The following FBN2 variants were observed in gnomAD, a reference collection of about 807,000 sequenced individuals.
FBN2 encodes fibrillin 2.
A neutral mutation model predicts 355.6 loss-of-function variants in FBN2; 105 were observed. The ratio of observed to expected loss-of-function variants is 0.30; its 90% CI spans 0.25 to 0.35. FBN2 has a LOEUF of 0.35. Ranked by LOEUF, FBN2 falls within the 10% of genes least tolerant of loss-of-function variation. The pLI, the probability that FBN2 is intolerant of heterozygous loss-of-function variation, is 1.00. For synonymous variants in FBN2, 1,350 were observed against 1,301.2 expected (o/e 1.04, Z -0.81); for missense variants, 3,280 against 3,758.7 (o/e 0.87, Z 3.33).
At position 128,537,875 on chromosome 5, in the gene FBN2, C is replaced by A; in HGVS notation, c.-272G>T. On this transcript the variant is annotated 5_prime_UTR_variant, in exon 1 of 65. An upstream start codon of the reference 5' UTR is lost. Coordinates refer to ENST00000262464, the MANE Select transcript of FBN2 (RefSeq NM_001999.4). ...CGGCAGCCCCGAGCGGTACACGTTGCATAACCGGCCTAAAGCCCCGAGCGA... is the reference window on the plus strand; with the variant it reads ...CGGCAGCCCCGAGCGGTACACGTTGAATAACCGGCCTAAAGCCCCGAGCGA... 4.1e-5 allele frequency: 22 copies of A among 537,342 alleles called. No homozygotes were observed. Among genetic ancestry groups the A allele is most frequent in the Non-Finnish European group, 4.3e-5 (13 of 301,830 alleles). The allele number at this position is 537,342 out of a possible 1,614,324, so 33.3% of individuals were successfully genotyped here. A position where few individuals can be genotyped will look rare whatever the true frequency, so the allele number is the denominator to read the frequency against.
chr5:128,537,749 T>G lies in FBN2; in HGVS notation c.-146A>C. The G allele has an allele frequency of 2.5e-6, 2 of 793,984 alleles. No individual in the cohort carries two copies. Among genetic ancestry groups the G allele is most frequent in the South Asian group, 1.6e-5 (1 of 62,442 alleles). 49.2% of individuals were successfully genotyped at this position (793,984 alleles called of 1,614,324 possible). On this transcript the variant is annotated 5_prime_UTR_variant, in exon 1 of 65. Coordinates refer to ENST00000262464, the MANE Select transcript of FBN2 (RefSeq NM_001999.4). ...TCGGGCTCGGGCTCCCTGCTCTAGC[T>G]GGAGACCTCGACAGAGCGCCGGCCC...
chr5:128,294,589 T>C (rs1336024633), intron 48 of FBN2, among the ~76,000 whole-genome samples: 2 of 148,686 alleles, frequency 1.3e-5, no homozygotes, highest in African/African-American at 4.9e-5. Context: ...TGATGGCCAG[T>C]GATGGTGAGC....
In FBN2 at chr5:128,489,615, A is replaced by T. The variant is rs1755444625; in HGVS notation, c.629-24694T>A. Among the ~76,000 whole-genome samples the T allele has an allele frequency of 3.3e-5, 5 of 152,190 alleles. No individual in the cohort carries two copies. In the South Asian group the frequency reaches 1.0e-3, roughly 31 times the overall value. ...ATGAAAGGAATTATGATTATTTGTA[A>T]TAATAAAAACATTAGGAAACAATTA... On this transcript the variant is annotated intron_variant, in intron 5 of 64. Coordinates refer to ENST00000262464, the MANE Select transcript of FBN2 (RefSeq NM_001999.4).
At chr5:128,355,496 T>C (rs1333250604) in intron 20 of FBN2, among the ~76,000 whole-genome samples, 2 of 152,214 alleles carry the variant, frequency 1.3e-5, no homozygotes, top group African/African-American at 4.8e-5. Flanking sequence ...ATATTCATAG[T>C]ATCCAACTAA....
In FBN2 at chr5:128,388,913, C is replaced by T. The variant is rs375449093; in HGVS notation, c.1603+3105G>A. Among the ~76,000 whole-genome samples, 5 of 152,282 alleles carry T rather than the reference C, an allele frequency of 3.3e-5. No homozygotes were observed. In the East Asian group the frequency reaches 7.7e-4, roughly 24 times the overall value. ...GCAAGGTTGGATAATTTTTCGTGGG[C>T]AATATCTTCAAATATGTTTTCCAAG... On this transcript the variant is annotated intron_variant, in intron 11 of 64. Transcript: ENST00000262464.
rs140579051 is a variant in FBN2 at position 128,430,851 on chromosome 5, A to AAAATAAAT, written c.952+15622_952+15629dup. Among the ~76,000 whole-genome samples the AAAATAAAT allele has an allele frequency of 5.5e-4, 81 of 147,870 alleles. 1 individual carries two copies. The highest frequency in any genetic ancestry group is 7.9e-4 in the Non-Finnish European group (53 of 67,058). On this transcript the variant is annotated intron_variant, in intron 7 of 64. Coordinates refer to ENST00000262464, the MANE Select transcript of FBN2 (RefSeq NM_001999.4). ...GGCGACAGAGTGAAACCCTGTCTCA[A>AAAATAAAT]AAATAAATAAATAAATAAATAAATA...
At chr5:128,370,026 T>C (rs1052731068) in intron 15 of FBN2, among the ~76,000 whole-genome samples, 1 of 152,210 alleles carries the variant, frequency 6.6e-6, no homozygotes. Context: ...CAGCTACCTA[T>C]GTAGTTTGAA....
At chr5:128,392,253 T>A (rs988538984) in intron 10 of FBN2, 98 bp from the exon 11 acceptor site, 1 of 1,000,112 alleles carries the variant, frequency 1.0e-6, no homozygotes, top group African/African-American at 1.6e-5. Context: ...ATTAATTAGA[T>A]GTATATCAGA....
intron 34 of FBN2, among the ~76,000 whole-genome samples, chr5:128,325,031 A>G (rs1414718541): frequency 1.3e-5 from 2 of 152,154 alleles, no homozygotes; most frequent in African/African-American, 4.8e-5. Flanking sequence ...ACTTTCAATC[A>G]TGTGGTCAAT....
At chr5:128,274,970 T>G (rs1167396106) in intron 59 of FBN2, among the ~76,000 whole-genome samples, 1 of 152,192 alleles carries the variant, frequency 6.6e-6, no homozygotes, top group Non-Finnish European at 1.5e-5. Flanking sequence ...AAAGCTACTA[T>G]CCAAAGGTTA....
In FBN2 at chr5:128,537,460, C is replaced by G. The variant is rs1756885919; in HGVS notation, c.144G>C (p.Arg48=). 4 of 1,606,332 alleles carry G rather than the reference C, an allele frequency of 2.5e-6. No homozygotes were observed. The highest frequency in any genetic ancestry group is 1.3e-5 in the African/African-American group (1 of 74,870). The change falls in exon 1 of 65, where the codon CGG becomes CGC. Residue 48 remains arginine, a synonymous_variant. Coordinates refer to ENST00000262464, the MANE Select transcript of FBN2 (RefSeq NM_001999.4). ...PRPQPPPQQV[R]SATAGSEGGF... ...CGCCTTCAGAGCCTGCTGTAGCGGACCGAACCTGTTGCGGCGGCGGCTGGG... is the reference window on the plus strand; with the variant it reads ...CGCCTTCAGAGCCTGCTGTAGCGGAGCGAACCTGTTGCGGCGGCGGCTGGG...
chr5:128,319,450 G>T (rs913271979), intron 34 of FBN2, among the ~76,000 whole-genome samples: 3 of 149,316 alleles, frequency 2.0e-5, no homozygotes, highest in African/African-American at 7.3e-5. Context: ...TTTAAATATT[G>T]GAGATATTAA....
At chr5:128,295,923 A>G (rs77093717) in intron 48 of FBN2, among the ~76,000 whole-genome samples, 1 of 144,276 alleles carries the variant, frequency 6.9e-6, no homozygotes, top group African/African-American at 2.7e-5. Flanking sequence ...CCAGTTTTCA[A>G]AGGGAATGCT....
intron 62 of FBN2, among the ~76,000 whole-genome samples, chr5:128,270,528 T>TA (rs1475660183): frequency 6.6e-6 from 1 of 151,932 alleles, no homozygotes; most frequent in African/African-American, 2.4e-5. Context: ...GAGTCCGTCC[T>TA]AAAAAAATAA....
chr5:128,519,070 C>A (rs978652654), intron 5 of FBN2, among the ~76,000 whole-genome samples: 2 of 152,144 alleles, frequency 1.3e-5, no homozygotes, highest in African/African-American at 4.8e-5. Context: ...GCCGCCCAAA[C>A]TGAGTTCACT....
Position 128,305,483 on chromosome 5 carries a change from C to A in FBN2, c.5674+28G>T, listed in dbSNP as rs200462422. 28 of 1,613,382 alleles carry A rather than the reference C, an allele frequency of 1.7e-5. No individual in the cohort carries two copies. The African/African-American group carries it at 3.6e-4, about 21-fold the overall frequency. ...AATCTAAGGAATCTTGTGCTCAGTG[C>A]CAAAGAATGAGTCAGCCTCTTTCTT... On this transcript the variant is annotated intron_variant, in intron 44 of 64. Coordinates refer to ENST00000262464, the MANE Select transcript of FBN2 (RefSeq NM_001999.4).
At chr5:128,472,485 C>G (rs1754887942) in intron 5 of FBN2, among the ~76,000 whole-genome samples, 1 of 151,976 alleles carries the variant, frequency 6.6e-6, no homozygotes, top group African/African-American at 2.4e-5. Flanking sequence ...ACTTCAAGCC[C>G]CTGAACTTAA....
At chr5:128,314,351 G>A (rs1269898004) in intron 36 of FBN2, among the ~76,000 whole-genome samples, 2 of 152,108 alleles carry the variant, frequency 1.3e-5, no homozygotes, top group Non-Finnish European at 2.9e-5. Flanking sequence ...TTTGGGGACG[G>A]AGTCTTCCTC....
chr5:128,310,430 T>C (rs1208344352), intron 39 of FBN2, among the ~76,000 whole-genome samples: 1 of 144,880 alleles, frequency 6.9e-6, no homozygotes, highest in Non-Finnish European at 1.5e-5. Flanking sequence ...TTATTGCAAT[T>C]CGCATTCTTC....
Sources: allele counts gnomAD v4.1 joint callset (sites outside exome capture counted in the v4.1 genomes callset), GRCh38; gene constraint gnomAD v4.1.1; transcripts MANE v1.5; gene names NCBI Gene and HGNC (gene_info 2026-07-23, HGNC 2026-07-21).